The following PCBP2 variants were observed in gnomAD, a reference collection of about 807,000 sequenced individuals.
The protein encoded by PCBP2 is poly(rC)-binding protein 2.
PCBP2 carries 4 observed loss-of-function variants against 50.1 expected under a neutral mutation model. The observed-to-expected ratio is 0.08, with a 90% CI of 0.04 to 0.18. The LOEUF (loss-of-function observed/expected upper bound fraction) is 0.18, where lower values mean the gene tolerates loss of function less well. Among genes scored for constraint, PCBP2 ranks in the 10% least tolerant of loss-of-function variants. PCBP2 has a pLI of 1.00. For synonymous variants in PCBP2, 179 were observed against 168.0 expected (o/e 1.07, Z -0.51); for missense variants, 161 against 474.3 (o/e 0.34, Z 6.14).
chr12:53,478,908 A>G (rs1391691352), intron 14 of PCBP2, among the ~76,000 whole-genome samples: 1 of 152,058 alleles, frequency 6.6e-6, no homozygotes, highest in East Asian at 1.9e-4. Context: ...TTACCTCATA[A>G]TACCCTACAC....
intron 5 of PCBP2, among the ~76,000 whole-genome samples, chr12:53,457,055 CTT>C (rs1239227807): frequency 2.7e-5 from 4 of 150,376 alleles, no homozygotes; most frequent in African/African-American, 7.3e-5. Context: ...TAGTATTTAA[CTT>C]TTTTTTTTCT....
In PCBP2 at chr12:53,479,671, G is replaced by GTTTTTGTTTTTTTTTGGT; in HGVS notation, c.*234_*235insGTTTTTTTTTGGTTTTTT. On this transcript the variant is annotated 3_prime_UTR_variant, in exon 15 of 15. Coordinates refer to ENST00000546463, the MANE Select transcript of PCBP2 (RefSeq NM_031989.5). Reference sequence around the variant, plus strand: ...ATTTAGTTTTATAAGCTTCTCCCTGGTTTTTTTTTTTTGGCTCATGAATTT... The same window carrying GTTTTTGTTTTTTTTTGGT: ...ATTTAGTTTTATAAGCTTCTCCCTGGTTTTTGTTTTTTTTTGGTTTTTTTTTTTTTGGCTCATGAATTT... The GTTTTTGTTTTTTTTTGGT allele has an allele frequency of 4.9e-6, 1 of 202,218 alleles. No homozygotes were observed. Among genetic ancestry groups the GTTTTTGTTTTTTTTTGGT allele is most frequent in the Non-Finnish European group, 9.4e-6 (1 of 106,084 alleles). The allele number at this position is 202,218 out of a possible 1,614,324, so 12.5% of individuals were successfully genotyped here. A position where few individuals can be genotyped will look rare whatever the true frequency, so the allele number is the denominator to read the frequency against.
At chr12:53,455,060 A>G (rs1195719044) in intron 2 of PCBP2, among the ~76,000 whole-genome samples, 191 bp downstream of exon 2, 2 of 152,204 alleles carry the variant, frequency 1.3e-5, no homozygotes, top group African/African-American at 4.8e-5. Context: ...CTGAGCAGGA[A>G]AGGCATAATT....
rs1286625711 is a variant in PCBP2 at position 53,481,038 on chromosome 12, CAG to C, written c.*1597_*1598del. On this transcript the variant is annotated 3_prime_UTR_variant, in exon 15 of 15. Transcript: ENST00000546463. ...CCTAGAGTTTATCAGGTGAATTGGT[CAG>C]GGGATCAGTCTCCCTCGAGCCTGAC... The C allele has an allele frequency of 2.1e-5, 5 of 238,054 alleles. No homozygotes were observed. The highest frequency in any genetic ancestry group is 1.1e-4 in the Admixed American group (2 of 17,566). 14.7% of individuals were successfully genotyped at this position (238,054 alleles called of 1,614,324 possible). A position where few individuals can be genotyped will look rare whatever the true frequency, so the allele number is the denominator to read the frequency against.
chr12:53,477,360 C>G (rs1422062867), intron 14 of PCBP2, among the ~76,000 whole-genome samples: 1 of 152,072 alleles, frequency 6.6e-6, no homozygotes, highest in East Asian at 1.9e-4. Flanking sequence ...GAATCTACCC[C>G]CCTTTTAAGA....
chr12:53,465,801 G>A, intron 9 of PCBP2, 131 bp from the exon 10 acceptor site: 1 of 713,446 alleles, frequency 1.4e-6, no homozygotes, highest in Non-Finnish European at 2.5e-6. Context: ...TCCATCTACT[G>A]CCTCAATCTC....
intron 5 of PCBP2, among the ~76,000 whole-genome samples, chr12:53,457,693 C>G (rs1181747979): frequency 1.3e-5 from 2 of 152,062 alleles, no homozygotes. Flanking sequence ...AGAGTACAAA[C>G]TGTTTATTCC....
In PCBP2 at chr12:53,462,534, G is replaced by T; in HGVS notation, c.546G>T (p.Pro182=). 1 of 1,613,240 alleles carries T rather than the reference G, an allele frequency of 6.2e-7. No individual in the cohort carries two copies. The highest frequency in any genetic ancestry group is 8.5e-7 in the Non-Finnish European group (1 of 1,179,416). The change falls in exon 8 of 15, where the codon CCG becomes CCT. Residue 182 remains proline, a synonymous_variant. Coordinates refer to ENST00000546463, the MANE Select transcript of PCBP2 (RefSeq NM_031989.5). ...KGVTIPYRPK[P]SSSPVIFAGG... is the part of the protein sequence containing the mutation. Reference sequence around the variant, plus strand: ...TGACCATCCCGTACCGGCCCAAGCCGTCCAGCTCTCCGGTCATCTTTGCAG... The same window carrying T: ...TGACCATCCCGTACCGGCCCAAGCCTTCCAGCTCTCCGGTCATCTTTGCAG...
At chr12:53,474,322 C>CT (rs1942436040) in intron 14 of PCBP2, among the ~76,000 whole-genome samples, 1 of 152,218 alleles carries the variant, frequency 6.6e-6, no homozygotes. Context: ...CAGTGACCTA[C>CT]TTTGGACTCT....
chr12:53,461,542 AGT>A (rs1941446443), intron 7 of PCBP2, among the ~76,000 whole-genome samples: 1 of 152,204 alleles, frequency 6.6e-6, no homozygotes, highest in Admixed American at 6.5e-5. Context: ...GGGTATTCAA[AGT>A]GTTACATAGA....
intron 5 of PCBP2, 71 bp from the exon 6 acceptor site, chr12:53,459,201 G>A: frequency 5.0e-6 from 7 of 1,410,284 alleles, no homozygotes; most frequent in South Asian, 2.9e-5. Context: ...CCTAATAAGG[G>A]TAAGTGGTTC....
intron 5 of PCBP2, among the ~76,000 whole-genome samples, chr12:53,458,286 CTTTCGTTTTTGT>C (rs972948490): frequency 9.7e-5 from 14 of 143,734 alleles, no homozygotes; most frequent in African/African-American, 1.5e-4. Context: ...TGTTTTATAT[CTTTCGTTTTTGT>C]TTTTGTTTTT....
chr12:53,479,445 C>A lies in PCBP2; in HGVS notation c.*3C>A. The A allele has an allele frequency of 1.2e-6, 2 of 1,613,274 alleles. No individual in the cohort carries two copies. Among genetic ancestry groups the A allele is most frequent in the Non-Finnish European group, 1.7e-6 (2 of 1,179,406 alleles). On this transcript the variant is annotated 3_prime_UTR_variant, in exon 15 of 15. Coordinates refer to ENST00000546463, the MANE Select transcript of PCBP2 (RefSeq NM_031989.5). The stretch of plus-strand genomic sequence containing the variant: ...CGGGTGGCATGGGGAGCAGCTAGAA[C>A]AATGCAGATTCATCCATAATCCCTT...
At chr12:53,460,391 C>A in intron 6 of PCBP2, 1 of 396,870 alleles carries the variant, frequency 2.5e-6, no homozygotes, top group Non-Finnish European at 5.1e-6. Flanking sequence ...GATGATTCGA[C>A]TGCCTTGGTC....
At chr12:53,472,543 C>A (rs1942312512) in intron 14 of PCBP2, among the ~76,000 whole-genome samples, 1 of 152,214 alleles carries the variant, frequency 6.6e-6, no homozygotes, top group Non-Finnish European at 1.5e-5. Context: ...AAGTCACACC[C>A]TTAATTGCTT....
At chr12:53,462,019 A>G (rs550700676) in intron 7 of PCBP2, among the ~76,000 whole-genome samples, 1 of 152,270 alleles carries the variant, frequency 6.6e-6, no homozygotes, top group African/African-American at 2.4e-5. Context: ...TGGAAACTGG[A>G]ATTTTCAAGT....
intron 13 of PCBP2, among the ~76,000 whole-genome samples, chr12:53,470,413 T>G (rs1162868154): frequency 3.0e-5 from 4 of 133,840 alleles, no homozygotes; most frequent in Non-Finnish European, 4.7e-5. Flanking sequence ...GTGTAGTGGC[T>G]TTTTTTTTTG....
At chr12:53,459,595 AAATC>A (rs1941294936) in intron 6 of PCBP2, among the ~76,000 whole-genome samples, 192 bp downstream of exon 6, 1 of 152,218 alleles carries the variant, frequency 6.6e-6, no homozygotes, top group African/African-American at 2.4e-5. Flanking sequence ...AAATTTTAAT[AAATC>A]AGAACATGAG....
chr12:53,455,287 A>G, intron 2 of PCBP2, 60 bp from the exon 3 acceptor site: 2 of 1,485,536 alleles, frequency 1.3e-6, no homozygotes, highest in Non-Finnish European at 1.8e-6. Flanking sequence ...AATAAAATAT[A>G]TTTTTAAAAA....
Sources: allele counts gnomAD v4.1 joint callset (sites outside exome capture counted in the v4.1 genomes callset), GRCh38; gene constraint gnomAD v4.1.1; transcripts MANE v1.5; gene names NCBI Gene and HGNC (gene_info 2026-07-23, HGNC 2026-07-21).